The following WDR86 variants were observed in gnomAD, a reference collection of about 807,000 sequenced individuals.
The protein encoded by WDR86 is WD repeat domain 86, also known as WD repeat-containing protein 86.
WDR86 carries 30 observed loss-of-function variants against 36.5 expected under a neutral mutation model. The ratio of observed to expected loss-of-function variants is 0.82; its 90% CI spans 0.61 to 1.11. The LOEUF (loss-of-function observed/expected upper bound fraction) is 1.11. Among genes scored for constraint, WDR86 ranks in the 50% most tolerant of loss-of-function variants. The probability of loss-of-function intolerance (pLI) is 0.00; values close to 1 mark genes in which losing one functional copy is unlikely to be tolerated. For synonymous variants in WDR86, 255 were observed against 252.9 expected (o/e 1.01, Z -0.08); for missense variants, 545 against 561.2 (o/e 0.97, Z 0.29).
chr7:151,394,135 T>A (rs1799638641), intron 3 of WDR86, among the ~76,000 whole-genome samples: 1 of 152,152 alleles, frequency 6.6e-6, no homozygotes, highest in African/African-American at 2.4e-5. Flanking sequence ...GACGAGCTGC[T>A]CTCCCAAGCC....
At chr7:151,382,190 TG>T (rs1563042516) in intron 4 of WDR86, among the ~76,000 whole-genome samples, 1 of 152,142 alleles carries the variant, frequency 6.6e-6, no homozygotes, top group Non-Finnish European at 1.5e-5. Context: ...GCGCGCCAGC[TG>T]GCCCTGCCCC....
At chr7:151,392,135 G>T (rs1799481654) in intron 3 of WDR86, among the ~76,000 whole-genome samples, 1 of 152,186 alleles carries the variant, frequency 6.6e-6, no homozygotes, top group African/African-American at 2.4e-5. Flanking sequence ...GCCCGAGCCA[G>T]CCATGTGCTC....
downstream of WDR86, chr7:151,374,399 A>G: frequency 1.9e-6 from 2 of 1,033,986 alleles, no homozygotes; most frequent in Non-Finnish European, 2.9e-6. Context: ...TCCAGCCCAG[A>G]CACAGGCTGC....
At position 151,409,472 on chromosome 7, in the gene WDR86, G is replaced by A. The variant is rs777427624; in HGVS notation, c.118C>T (p.Arg40Trp). 3 of 1,537,746 alleles carry A rather than the reference G, an allele frequency of 2.0e-6. No homozygotes were observed. The highest frequency in any genetic ancestry group is 1.2e-5 in the South Asian group (1 of 84,022). Reference sequence around the variant, plus strand: ...TGGCCGTCCGCGGTGCTCCAGAGCCGGGCCGTGCCGTCCTCGCTGCCCGTC... The same window carrying A: ...TGGCCGTCCGCGGTGCTCCAGAGCCAGGCCGTGCCGTCCTCGCTGCCCGTC... Reference protein sequence around the residue: ...LLTGSEDGTARLWSTADGQCC... With the variant: ...LLTGSEDGTAWLWSTADGQCC... Residue 40 changes from arginine to tryptophan, a missense_variant, in exon 1 of 6, where the codon CGG (arginine) becomes TGG (tryptophan). Transcript: ENST00000334493. This position sits in a 1 kb window ranked among gnomAD's most constrained non-coding sequence, Gnocchi z 5.2.
intron 2 of WDR86, among the ~76,000 whole-genome samples, chr7:151,396,712 G>A (rs902693605): frequency 1.3e-5 from 2 of 152,224 alleles, no homozygotes; most frequent in Non-Finnish European, 2.9e-5. Context: ...TTCAGATGAG[G>A]GCCCTGAGAA....
chr7:151,409,990 G>T lies in WDR86; in HGVS notation c.-401C>A. The T allele has an allele frequency of 1.0e-6, 1 of 1,004,672 alleles. No homozygotes were observed. Among genetic ancestry groups the T allele is most frequent in the Non-Finnish European group, 1.2e-6 (1 of 843,202 alleles). The allele number at this position is 1,004,672 out of a possible 1,614,324, so 62.2% of individuals were successfully genotyped here. Reference sequence around the variant, plus strand: ...GGCTGGGGCGGGGAGAGGAACACGGGAAGCCGAGCGCCCCGCGCCCTCCCC... The same window carrying T: ...GGCTGGGGCGGGGAGAGGAACACGGTAAGCCGAGCGCCCCGCGCCCTCCCC... On this transcript the variant is annotated 5_prime_UTR_variant, in exon 1 of 6. Coordinates refer to ENST00000334493, the MANE Select transcript of WDR86 (RefSeq NM_198285.3). The surrounding 1 kb of genome is among the most constrained non-coding windows in gnomAD (Gnocchi z 5.2).
Position 151,401,490 on chromosome 7 carries a change from T to C in WDR86, c.164-1249A>G, listed in dbSNP as rs1174462680. ...TTCAGCTTTTGCATTCCACATTTCCTCACCTGGGATGGGGACAATGCCTGC... is the reference window on the plus strand; with the variant it reads ...TTCAGCTTTTGCATTCCACATTTCCCCACCTGGGATGGGGACAATGCCTGC... On this transcript the variant is annotated intron_variant, in intron 1 of 5. Transcript: ENST00000334493. The surrounding 1 kb of genome is among the most constrained non-coding windows in gnomAD (Gnocchi z 4.3). Among the ~76,000 whole-genome samples the C allele has an allele frequency of 6.6e-6, 1 of 152,152 alleles. No individual in the cohort carries two copies. The highest frequency in any genetic ancestry group is 1.5e-5 in the Non-Finnish European group (1 of 68,034).
intron 1 of WDR86, among the ~76,000 whole-genome samples, chr7:151,403,967 A>G (rs1422034764): frequency 6.6e-6 from 1 of 152,208 alleles, no homozygotes; most frequent in African/African-American, 2.4e-5. Context: ...GACGCATCTC[A>G]GCCCCAGGAA....
rs994839506 is a variant in WDR86 at position 151,406,041 on chromosome 7, G to A, written c.163+3386C>T. Among the ~76,000 whole-genome samples, 1 of 152,214 alleles carries A rather than the reference G, an allele frequency of 6.6e-6. No homozygotes were observed. Among genetic ancestry groups the A allele is most frequent in the African/African-American group, 2.4e-5 (1 of 41,462 alleles). Reference sequence around the variant, plus strand: ...ATTCAATGAATAAACCTGAAAAAGAGGAGGTCAGGGATAAGCAAGTGGCAA... The same window carrying A: ...ATTCAATGAATAAACCTGAAAAAGAAGAGGTCAGGGATAAGCAAGTGGCAA... On this transcript the variant is annotated intron_variant, in intron 1 of 5. Coordinates refer to ENST00000334493, the MANE Select transcript of WDR86 (RefSeq NM_198285.3). This position sits in a 1 kb window ranked among gnomAD's most constrained non-coding sequence, Gnocchi z 4.4.
intron 3 of WDR86, among the ~76,000 whole-genome samples, chr7:151,386,776 C>T (rs927403423): frequency 7.9e-5 from 12 of 152,144 alleles, no homozygotes; most frequent in South Asian, 2.1e-4. Context: ...GCCTCAGGCT[C>T]GGAGGCCCTG....
intron 1 of WDR86, among the ~76,000 whole-genome samples, chr7:151,407,583 A>G (rs534022341): frequency 3.1e-4 from 47 of 152,322 alleles, no homozygotes; most frequent in African/African-American, 9.9e-4. Flanking sequence ...TCACACTTGT[A>G]ATCTCAGCAC....
At chr7:151,369,353 T>C in the WDR86 span, among the ~76,000 whole-genome samples, 2 of 152,170 alleles carry the variant, frequency 1.3e-5, no homozygotes, top group Non-Finnish European at 2.9e-5. Context: ...TGCTGCAGTC[T>C]CCTTAGTTTT....
At position 151,388,165 on chromosome 7, in the gene WDR86, G is replaced by A. The variant is rs1204833035; in HGVS notation, c.727-2942C>T. Reference sequence around the variant, plus strand: ...TCCTTGCTGTGGTCCCCACCACCTCGGGCTCCCAGATCCTGTAGGTCTTTC... The same window carrying A: ...TCCTTGCTGTGGTCCCCACCACCTCAGGCTCCCAGATCCTGTAGGTCTTTC... On this transcript the variant is annotated intron_variant, in intron 3 of 5. Transcript: ENST00000334493. The surrounding 1 kb of genome is among the most constrained non-coding windows in gnomAD (Gnocchi z 4.2). 6.6e-6 allele frequency among the ~76,000 whole-genome samples: 1 copy of A among 152,182 alleles called. No homozygotes were observed. Among genetic ancestry groups the A allele is most frequent in the South Asian group, 2.1e-4 (1 of 4,836 alleles).
intron 2 of WDR86, 121 bp downstream of exon 2, chr7:151,399,979 C>G: frequency 1.0e-6 from 1 of 967,580 alleles, no homozygotes. Context: ...CAGCTGTCCA[C>G]GTTTTTGCTT....
chr7:151,407,601 G>A (rs545642447), intron 1 of WDR86, among the ~76,000 whole-genome samples: 1 of 152,222 alleles, frequency 6.6e-6, no homozygotes, highest in Non-Finnish European at 1.5e-5. Flanking sequence ...CACTTCGGGA[G>A]GCCAAGGCGG....
At chr7:151,403,555 A>G (rs1800488044) in intron 1 of WDR86, among the ~76,000 whole-genome samples, 1 of 152,206 alleles carries the variant, frequency 6.6e-6, no homozygotes, top group African/African-American at 2.4e-5. Context: ...CTGAGTTCTA[A>G]GAAACATAAT....
downstream of WDR86, chr7:151,376,148 G>A (rs116748729): frequency 6.6e-3 from 3,545 of 538,826 alleles, 111 homozygotes; most frequent in African/African-American, 0.062. Flanking sequence ...GGAAAACTGG[G>A]GAAGTGTCAG....
downstream of WDR86, chr7:151,377,041 T>C (rs1402015509): frequency 6.5e-7 from 1 of 1,537,666 alleles, no homozygotes; most frequent in Admixed American, 2.2e-5. Context: ...CGGTATTTTA[T>C]TGTAGGAACC....
intron 2 of WDR86, among the ~76,000 whole-genome samples, chr7:151,397,252 C>G (rs1328479359): frequency 6.6e-6 from 1 of 152,232 alleles, no homozygotes; most frequent in East Asian, 1.9e-4. Flanking sequence ...CTGGCATGGA[C>G]AGGAGACCCA....
Sources: gnomAD v4.1 joint callset for allele counts (sites outside exome capture counted in the v4.1 genomes callset) on GRCh38, gnomAD v4.1.1 for gene constraint, Gnocchi (gnomAD v3.1) non-coding constraint, MANE v1.5 for transcripts, NCBI Gene and HGNC (gene_info 2026-07-23, HGNC 2026-07-21) for gene names.